HCLS1: variants seen among roughly 807,000 people sequenced by gnomAD.
HCLS1 encodes the protein hematopoietic lineage cell-specific protein.
HCLS1 carries 44 observed loss-of-function variants against 68.6 expected under a neutral mutation model. That is an observed-to-expected ratio of 0.64 (90% CI 0.50 to 0.82). HCLS1 has a LOEUF of 0.82. HCLS1 is among the 40% of genes least tolerant of loss of function. The pLI is 0.00. For synonymous variants in HCLS1, 217 were observed against 225.8 expected (o/e 0.96, Z 0.35); for missense variants, 602 against 612.1 (o/e 0.98, Z 0.17).
chr3:121,639,029 A>AGACACACACACACACACG (rs2049174796), intron 6 of HCLS1, among the ~76,000 whole-genome samples: 1 of 50,746 alleles, frequency 2.0e-5, no homozygotes, highest in African/African-American at 5.2e-5. Flanking sequence ...ACACACGCAC[A>AGACACACACACACACACG]CACACACACA....
rs1410883125 is a variant in HCLS1 at position 121,632,094 on chromosome 3, A to C, written c.1324+7T>G. ...GTACCAGGCTCCTCGGGCCACTCCC[A>C]ACCTACCTCCTTGGTAATCATATAC... On this transcript the variant is annotated splice_region_variant and intron_variant, in intron 13 of 13. Transcript: ENST00000314583. 4 of 1,613,894 alleles carry C rather than the reference A, an allele frequency of 2.5e-6. No individual in the cohort carries two copies. The highest frequency in any genetic ancestry group is 3.4e-6 in the Non-Finnish European group (4 of 1,179,962).
intron 3 of HCLS1, among the ~76,000 whole-genome samples, chr3:121,649,718 A>G (rs1937701559): frequency 6.6e-6 from 1 of 152,226 alleles, no homozygotes; most frequent in African/African-American, 2.4e-5. Flanking sequence ...GTGCCTAAGA[A>G]ACTTTTGACA....
Position 121,644,802 on chromosome 3 carries a change from G to C in HCLS1, c.399+16C>G, listed in dbSNP as rs138536890. The C allele has an allele frequency of 2.7e-3, 4,278 of 1,562,698 alleles. 10 individuals are homozygous for C. The highest frequency in any genetic ancestry group is 3.4e-3 in the Non-Finnish European group (3,905 of 1,132,718). On this transcript the variant is annotated intron_variant, in intron 5 of 13. Transcript: ENST00000314583. ...GGACTGGAGGTGGGTGGTTGGGAGA[G>C]AGAGTGGTCACTTACCTTGTCTGCC... is the stretch of plus-strand genomic sequence containing the variant.
At chr3:121,632,069 G>C in intron 13 of HCLS1, 32 bp downstream of exon 13, 1 of 1,612,978 alleles carries the variant, frequency 6.2e-7, no homozygotes, top group South Asian at 1.1e-5. Context: ...GGGCCTCCAT[G>C]TACCAGGCTC....
At chr3:121,646,350 TA>T (rs61720711) in intron 4 of HCLS1, among the ~76,000 whole-genome samples, 23,152 of 99,452 alleles carry the variant, frequency 0.23, 2,909 homozygotes, top group East Asian at 0.48. Flanking sequence ...TAGTATATAA[TA>T]TATTACATTA....
At chr3:121,634,093 C>T (rs2049126079) in intron 10 of HCLS1, 114 bp downstream of exon 10, 3 of 1,541,584 alleles carry the variant, frequency 1.9e-6, no homozygotes, top group South Asian at 2.5e-5. Context: ...GACAACAGAC[C>T]TTGCCTAACC....
intron 7 of HCLS1, 81 bp from the exon 8 acceptor site, chr3:121,636,570 A>C: frequency 9.5e-7 from 1 of 1,056,446 alleles, no homozygotes; most frequent in Non-Finnish European, 1.5e-6. Flanking sequence ...GAAGAAAAAC[A>C]GGAATGTGGA....
At chr3:121,634,492 G>C (rs1560137034) in intron 9 of HCLS1, 74 bp from the exon 10 acceptor site, 3 of 1,359,384 alleles carry the variant, frequency 2.2e-6, no homozygotes, top group Admixed American at 1.7e-5. Flanking sequence ...CTTGAAGGAA[G>C]AAGGGGAATC....
intron 8 of HCLS1, 131 bp downstream of exon 8, chr3:121,636,303 G>C (rs142712112): frequency 1.4e-6 from 1 of 734,552 alleles, no homozygotes; most frequent in African/African-American, 1.7e-5. Flanking sequence ...ACTGCAGGAC[G>C]CCAGCAGGAC....
At chr3:121,640,433 T>C (rs956895546) in intron 6 of HCLS1, among the ~76,000 whole-genome samples, 1 of 151,832 alleles carries the variant, frequency 6.6e-6, no homozygotes, top group Non-Finnish European at 1.5e-5. Context: ...AGGAAATAAA[T>C]AACCATGAGG....
intron 4 of HCLS1, among the ~76,000 whole-genome samples, chr3:121,646,095 A>G (rs1261240371): frequency 2.5e-5 from 3 of 121,932 alleles, no homozygotes. Context: ...ATAATATATT[A>G]ATTATATACT....
intron 3 of HCLS1, among the ~76,000 whole-genome samples, chr3:121,651,410 A>G (rs1047278998): frequency 6.6e-6 from 1 of 152,132 alleles, no homozygotes. Flanking sequence ...AGAGTGGTTA[A>G]GTTGGTTTTG....
chr3:121,634,742 C>T (rs1288927040), intron 9 of HCLS1, among the ~76,000 whole-genome samples: 1 of 152,136 alleles, frequency 6.6e-6, no homozygotes, highest in Non-Finnish European at 1.5e-5. Flanking sequence ...AGCAATCCTC[C>T]TACCTCAGCC....
intron 2 of HCLS1, chr3:121,658,051 C>T (rs953345950): frequency 5.7e-6 from 3 of 524,570 alleles, no homozygotes; most frequent in Non-Finnish European, 1.0e-5. Context: ...CACTGTCAAA[C>T]TCACCCACAC....
intron 4 of HCLS1, among the ~76,000 whole-genome samples, chr3:121,645,323 G>A (rs960915788): frequency 5.3e-5 from 8 of 152,084 alleles, no homozygotes; most frequent in African/African-American, 1.2e-4. Context: ...CGCCATAGCC[G>A]GGATGGAATA....
intron 3 of HCLS1, among the ~76,000 whole-genome samples, chr3:121,651,669 C>T (rs1937752781): frequency 6.6e-6 from 1 of 152,204 alleles, no homozygotes; most frequent in South Asian, 2.1e-4. Flanking sequence ...ATCCTCCTGC[C>T]TTGGCCTCCT....
At chr3:121,647,503 A>T (rs764690543) in intron 3 of HCLS1, 55 bp from the exon 4 acceptor site, 2 of 1,596,444 alleles carry the variant, frequency 1.3e-6, no homozygotes, top group South Asian at 2.2e-5. Flanking sequence ...CAAGAAACCC[A>T]TCTTCCCAGA....
chr3:121,636,167 T>C (rs1486484408), intron 8 of HCLS1, among the ~76,000 whole-genome samples: 2 of 152,146 alleles, frequency 1.3e-5, no homozygotes, highest in Non-Finnish European at 2.9e-5. Flanking sequence ...AAGAAATCAA[T>C]ACAATTTCCA....
chr3:121,631,836 T>A lies in HCLS1; in HGVS notation c.*10A>T, dbSNP rs775571166. 4 of 1,613,984 alleles carry A rather than the reference T, an allele frequency of 2.5e-6. No homozygotes were observed. The highest frequency in any genetic ancestry group is 3.4e-6 in the Non-Finnish European group (4 of 1,180,002). On this transcript the variant is annotated 3_prime_UTR_variant, in exon 14 of 14. Transcript: ENST00000314583. ...GGGAAATCACAGTTGCAGTAGACAG[T>A]GAGCTCTAGTCACTCCAGAAGCTTG...
Sources: allele counts gnomAD v4.1 joint callset (sites outside exome capture counted in the v4.1 genomes callset), GRCh38; gene constraint gnomAD v4.1.1; transcripts MANE v1.5; gene names NCBI Gene and HGNC (gene_info 2026-07-23, HGNC 2026-07-21).